The following STK32B variants were observed in gnomAD, a reference collection of about 807,000 sequenced individuals.
STK32B encodes the protein serine/threonine-protein kinase 32B.
Under a neutral mutation model 52.6 loss-of-function variants are expected in STK32B, and 43 were observed. The ratio of observed to expected loss-of-function variants is 0.82; its 90% CI spans 0.64 to 1.05. STK32B has a LOEUF of 1.05. Among genes scored for constraint, STK32B ranks in the 50% least tolerant of loss-of-function variants. STK32B has a pLI of 0.00. For synonymous variants in STK32B, 238 were observed against 204.3 expected (o/e 1.17, Z -1.41); for missense variants, 621 against 534.6 (o/e 1.16, Z -1.59).
chr4:5,334,481 C>A (rs1168123465), intron 4 of STK32B, among the ~76,000 whole-genome samples: 1 of 152,138 alleles, frequency 6.6e-6, no homozygotes, highest in Non-Finnish European at 1.5e-5. Flanking sequence ...CCTTCTCCTG[C>A]CTAATTGCCC....
At chr4:5,264,667 G>A (rs1399075738) in intron 3 of STK32B, among the ~76,000 whole-genome samples, 3 of 151,888 alleles carry the variant, frequency 2.0e-5, no homozygotes, top group Non-Finnish European at 2.9e-5. Flanking sequence ...GGCGCCTGTA[G>A]TCCCAGCTGC....
intron 11 of STK32B, among the ~76,000 whole-genome samples, chr4:5,487,755 A>G (rs1250523133): frequency 2.6e-5 from 4 of 152,138 alleles, no homozygotes; most frequent in Non-Finnish European, 4.4e-5. Flanking sequence ...TCTGATATGG[A>G]GTCTCGTTCT....
At chr4:5,158,707 C>T (rs947155581) in intron 2 of STK32B, among the ~76,000 whole-genome samples, 6 of 152,218 alleles carry the variant, frequency 3.9e-5, no homozygotes, top group African/African-American at 9.6e-5. Flanking sequence ...CTTCCGAGGC[C>T]GCTTTCCTTG....
At chr4:5,203,478 C>T (rs1043470119) in intron 3 of STK32B, among the ~76,000 whole-genome samples, 1 of 152,158 alleles carries the variant, frequency 6.6e-6, no homozygotes, top group Non-Finnish European at 1.5e-5. Context: ...CCCCACCCCT[C>T]CCACATTCTT....
chr4:5,280,017 G>A lies in STK32B; in HGVS notation c.261-51203G>A, dbSNP rs142346146. On this transcript the variant is annotated intron_variant, in intron 3 of 11. Coordinates refer to ENST00000282908, the MANE Select transcript of STK32B (RefSeq NM_018401.3). The stretch of plus-strand genomic sequence containing the variant: ...TGAAGGTCTCTGAAGTGTCCTGGAG[G>A]CATTTTCCTCATTATCTTGGCTAGG... 1.7e-4 allele frequency among the ~76,000 whole-genome samples: 26 copies of A among 152,248 alleles called. No homozygotes were observed. In the East Asian group the frequency reaches 5.0e-3, roughly 29 times the overall value.
At chr4:5,486,952 G>C (rs961975664) in intron 11 of STK32B, among the ~76,000 whole-genome samples, 24 of 152,218 alleles carry the variant, frequency 1.6e-4, no homozygotes, top group African/African-American at 5.5e-4. Flanking sequence ...GTAAGTAATA[G>C]CAGTGGGCAA....
chr4:5,135,793 T>C (rs754618732), intron 1 of STK32B, among the ~76,000 whole-genome samples: 1 of 152,154 alleles, frequency 6.6e-6, no homozygotes, highest in Non-Finnish European at 1.5e-5. Flanking sequence ...TGTGCCCCTT[T>C]CCTCACATAC....
intron 3 of STK32B, among the ~76,000 whole-genome samples, chr4:5,192,490 G>A (rs923752161): frequency 6.6e-6 from 1 of 152,130 alleles, no homozygotes; most frequent in African/African-American, 2.4e-5. Flanking sequence ...AAGTCAGATC[G>A]CTAACGGAAA....
chr4:5,442,434 T>G (rs28767837), intron 6 of STK32B, among the ~76,000 whole-genome samples: 24,714 of 150,824 alleles, frequency 0.16, 2,231 homozygotes, highest in East Asian at 0.33. Context: ...AACCCCTGCC[T>G]TTTTTTGTTT....
intron 3 of STK32B, among the ~76,000 whole-genome samples, chr4:5,292,628 G>T: frequency 6.6e-6 from 1 of 151,918 alleles, no homozygotes; most frequent in East Asian, 1.9e-4. Flanking sequence ...TTCTTTTGCT[G>T]TGCAAAAGCT....
chr4:5,298,440 G>GT, intron 3 of STK32B, among the ~76,000 whole-genome samples: 1 of 152,110 alleles, frequency 6.6e-6, no homozygotes, highest in South Asian at 2.1e-4. Flanking sequence ...TTATCTATAG[G>GT]CCCCTGACTG....
At chr4:5,201,706 G>A (rs1560221014) in intron 3 of STK32B, among the ~76,000 whole-genome samples, 1 of 152,312 alleles carries the variant, frequency 6.6e-6, no homozygotes, top group Admixed American at 6.5e-5. Flanking sequence ...AGGTGAAGGG[G>A]GAGCAAGGCA....
intron 6 of STK32B, chr4:5,438,171 G>C (rs1714285159): frequency 1.0e-6 from 1 of 975,488 alleles, no homozygotes; most frequent in African/African-American, 1.8e-5. Context: ...CCAGCATGAA[G>C]GGACTCCTTT....
At chr4:5,425,230 C>G (rs1441564778) in intron 6 of STK32B, among the ~76,000 whole-genome samples, 1 of 152,214 alleles carries the variant, frequency 6.6e-6, no homozygotes, top group African/African-American at 2.4e-5. Context: ...GCCATTCAGG[C>G]CCAAGCAAAA....
At chr4:5,402,600 C>G (rs1183754203) in intron 5 of STK32B, among the ~76,000 whole-genome samples, 1 of 152,124 alleles carries the variant, frequency 6.6e-6, no homozygotes, top group African/African-American at 2.4e-5. Context: ...TCTGGGGTGA[C>G]TGTTCTCTGT....
chr4:5,393,945 G>A (rs16837109), intron 4 of STK32B, among the ~76,000 whole-genome samples: 5,469 of 152,208 alleles, frequency 0.036, 153 homozygotes, highest in East Asian at 0.083. Context: ...TTCACTAGTT[G>A]TAAAATAGCC....
chr4:5,214,272 C>T (rs1398738303), intron 3 of STK32B: 1 of 152,396 alleles, frequency 6.6e-6, no homozygotes, highest in African/African-American at 2.4e-5. Context: ...AATGCGTTTA[C>T]TTCTCCTTTG....
chr4:5,462,290 G>C (rs1717092364), intron 9 of STK32B, among the ~76,000 whole-genome samples: 1 of 151,434 alleles, frequency 6.6e-6, no homozygotes, highest in African/African-American at 2.4e-5. Context: ...GTATGTGTCT[G>C]TGTGTGTGTA....
chr4:5,092,660 T>A (rs988715198), intron 1 of STK32B, among the ~76,000 whole-genome samples: 2 of 152,058 alleles, frequency 1.3e-5, no homozygotes, highest in Non-Finnish European at 2.9e-5. Context: ...GAGGAGTCCG[T>A]CTCATCTGGC....
Sources: gnomAD v4.1 joint callset for allele counts (sites outside exome capture counted in the v4.1 genomes callset) on GRCh38, gnomAD v4.1.1 for gene constraint, MANE v1.5 for transcripts, NCBI Gene and HGNC (gene_info 2026-07-23, HGNC 2026-07-21) for gene names.